PAM: variants seen among roughly 807,000 people sequenced by gnomAD.
PAM encodes the protein peptidyl-glycine alpha-amidating monooxygenase.
PAM carries 72 observed loss-of-function variants against 122.1 expected under a neutral mutation model. The observed-to-expected ratio is 0.59, with a 90% CI of 0.49 to 0.72. The LOEUF (loss-of-function observed/expected upper bound fraction) is 0.72, where lower values mean the gene tolerates loss of function less well. Ranked by LOEUF, PAM falls within the 30% of genes least tolerant of loss-of-function variation. The pLI, the probability that PAM is intolerant of heterozygous loss-of-function variation, is 0.00. For missense variants in PAM, 1,106 were observed against 1,183.7 expected, an observed-to-expected ratio of 0.93 and a Z score of 0.96; for synonymous variants, 389 against 404.4, an observed-to-expected ratio of 0.96 and a Z score of 0.46.
intron 1 of PAM, among the ~76,000 whole-genome samples, chr5:102,781,943 A>G (rs1318727335): frequency 2.0e-5 from 3 of 152,226 alleles, no homozygotes; most frequent in Admixed American, 2.0e-4. Context: ...AACTTAAAAA[A>G]GCTTGCCCAA....
intron 4 of PAM, 56 bp downstream of exon 4, chr5:102,901,469 A>G: frequency 1.0e-6 from 1 of 955,484 alleles, no homozygotes; most frequent in Non-Finnish European, 1.7e-6. Context: ...GTGATTTGAA[A>G]TCAGTGAAAG....
intron 15 of PAM, among the ~76,000 whole-genome samples, chr5:102,984,073 A>C (rs1047205479): frequency 1.3e-5 from 2 of 152,160 alleles, no homozygotes; most frequent in Non-Finnish European, 2.9e-5. Context: ...CACAAGAATA[A>C]AATTCAGTGG....
chr5:102,870,300 T>C (rs192028490), intron 3 of PAM, among the ~76,000 whole-genome samples: 62 of 152,280 alleles, frequency 4.1e-4, no homozygotes, highest in Middle Eastern at 3.4e-3. Context: ...TGTGTATCCT[T>C]TCTTTGGAAA....
At position 102,990,281 on chromosome 5, in the gene PAM, T is replaced by G; in HGVS notation, c.1493T>G (p.Met498Arg). 6.5e-7 allele frequency: 1 copy of G among 1,547,554 alleles called. No individual in the cohort carries two copies. The change falls in exon 16 of 26, where the codon ATG becomes AGG. Residue 498 changes from methionine to arginine, a missense_variant. Physicochemically the swap from Met to Arg is moderately conservative, Grantham distance 91. Coordinates refer to ENST00000438793, the MANE Select transcript of PAM (RefSeq NM_001177306.2). ...WEPEHTGDFH[M>R]EEALDWPGVY... ...TGGATATATCTTTTAGATTTCCACA[T>G]GGAAGAGGCACTGGATTGGCCTGGA...
intron 14 of PAM, among the ~76,000 whole-genome samples, chr5:102,966,931 C>A (rs964447774): frequency 3.3e-5 from 5 of 151,882 alleles, no homozygotes; most frequent in Non-Finnish European, 7.4e-5. Context: ...GGTATTTGAT[C>A]ATTTTTAAAA....
At chr5:102,840,701 A>G (rs112202103) in intron 1 of PAM, among the ~76,000 whole-genome samples, 2 of 152,298 alleles carry the variant, frequency 1.3e-5, no homozygotes, top group African/African-American at 4.8e-5. Flanking sequence ...GTCCATCTTC[A>G]TGATGCAGCC....
intron 3 of PAM, among the ~76,000 whole-genome samples, chr5:102,890,302 A>G (rs1441741842): frequency 1.3e-5 from 2 of 151,874 alleles, no homozygotes; most frequent in African/African-American, 4.8e-5. Context: ...CCTATTAATG[A>G]GGAAATGTGA....
chr5:102,956,956 T>C lies in PAM; in HGVS notation c.906-2919T>C, dbSNP rs555873697. On this transcript the variant is annotated intron_variant, in intron 12 of 25. Transcript: ENST00000438793. ...TGAGGAAATATATATTAACAAGATA[T>C]TTTATATTAGTTATTTTGAAGCTTT... Among the ~76,000 whole-genome samples the C allele has an allele frequency of 3.4e-4, 52 of 152,212 alleles. No homozygotes were observed. The South Asian group carries it at 0.011, about 31-fold the overall frequency.
At chr5:102,788,660 T>G (rs1298338349) in intron 1 of PAM, among the ~76,000 whole-genome samples, 2 of 152,150 alleles carry the variant, frequency 1.3e-5, no homozygotes, top group African/African-American at 4.8e-5. Context: ...TAACAGATCA[T>G]AACATCTGTA....
At chr5:103,025,433 TG>T in intron 24 of PAM, 99 bp downstream of exon 24, 3 of 908,344 alleles carry the variant, frequency 3.3e-6, no homozygotes. Context: ...TCACTGTATT[TG>T]TTTTTTTGTT....
chr5:102,830,394 T>C (rs144120437), intron 1 of PAM, among the ~76,000 whole-genome samples: 1 of 152,322 alleles, frequency 6.6e-6, no homozygotes, highest in East Asian at 1.9e-4. Context: ...CTCACTACTT[T>C]ATACAGGTCA....
rs113303265 is a variant in PAM at position 103,014,259 on chromosome 5, C to G, written c.2332-3075C>G. Among the ~76,000 whole-genome samples, 1,201 of 152,244 alleles carry G rather than the reference C, an allele frequency of 7.9e-3. 21 individuals carry two copies. The highest frequency in any genetic ancestry group is 0.026 in the African/African-American group (1,092 of 41,558). Reference sequence around the variant, plus strand: ...AGTGCTAAGCAAGAGGCTAAATGAGCCTTAACGTCATAAAAATCTGAAGAG... The same window carrying G: ...AGTGCTAAGCAAGAGGCTAAATGAGGCTTAACGTCATAAAAATCTGAAGAG... On this transcript the variant is annotated intron_variant, in intron 21 of 25. Transcript: ENST00000438793.
intron 1 of PAM, among the ~76,000 whole-genome samples, chr5:102,850,317 A>G (rs1781046811): frequency 6.6e-6 from 1 of 152,250 alleles, no homozygotes; most frequent in African/African-American, 2.4e-5. Flanking sequence ...AGGTATTGAA[A>G]TTCATATTCT....
intron 1 of PAM, among the ~76,000 whole-genome samples, chr5:102,771,555 GCTT>G (rs1448587823): frequency 6.6e-6 from 1 of 152,058 alleles, no homozygotes; most frequent in Non-Finnish European, 1.5e-5. Context: ...GATGTGTCTG[GCTT>G]CTTCTCCTAA....
chr5:102,780,396 A>T (rs191411415), intron 1 of PAM, among the ~76,000 whole-genome samples: 1 of 152,172 alleles, frequency 6.6e-6, no homozygotes, highest in Non-Finnish European at 1.5e-5. Context: ...TGATTCATGT[A>T]GTAACTTCAT....
intron 1 of PAM, among the ~76,000 whole-genome samples, chr5:102,835,473 A>G (rs1776758054): frequency 6.6e-6 from 1 of 152,154 alleles, no homozygotes; most frequent in Non-Finnish European, 1.5e-5. Context: ...TAAAAACAGG[A>G]ACATTTTCTC....
chr5:102,907,985 C>G (rs1581578677), intron 4 of PAM, among the ~76,000 whole-genome samples: 2 of 152,018 alleles, frequency 1.3e-5, no homozygotes, highest in East Asian at 3.9e-4. Flanking sequence ...AATTAGATCC[C>G]ATTTGTCAAT....
intron 3 of PAM, among the ~76,000 whole-genome samples, chr5:102,891,324 G>A (rs1794725872): frequency 6.6e-6 from 1 of 151,774 alleles, no homozygotes; most frequent in African/African-American, 2.4e-5. Context: ...AAATGTTTAC[G>A]ACATATAAAG....
intron 4 of PAM, among the ~76,000 whole-genome samples, chr5:102,911,549 A>G (rs1400600265): frequency 6.6e-6 from 1 of 151,956 alleles, no homozygotes; most frequent in Non-Finnish European, 1.5e-5. Flanking sequence ...TACTTTGATT[A>G]ATTAAGATTT....
Sources: gnomAD v4.1 joint callset for allele counts (sites outside exome capture counted in the v4.1 genomes callset) on GRCh38, gnomAD v4.1.1 for gene constraint, MANE v1.5 for transcripts, NCBI Gene and HGNC (gene_info 2026-07-23, HGNC 2026-07-21) for gene names.